The following SMC2 variants were observed in gnomAD, a reference collection of about 807,000 sequenced individuals.
SMC2 encodes structural maintenance of chromosomes protein 2.
Under a neutral mutation model 142.6 loss-of-function variants are expected in SMC2, and 41 were observed. The observed-to-expected ratio is 0.29, with a 90% CI of 0.22 to 0.37. SMC2 has a LOEUF of 0.37. Ranked by LOEUF, SMC2 falls within the 10% of genes least tolerant of loss-of-function variation. The probability of loss-of-function intolerance (pLI) is 1.00; values close to 1 mark genes in which losing one functional copy is unlikely to be tolerated. For missense variants in SMC2, 1,265 were observed against 1,373.7 expected, an observed-to-expected ratio of 0.92 and a Z score of 1.25; for synonymous variants, 463 against 457.5, an observed-to-expected ratio of 1.01 and a Z score of -0.15.
At chr9:104,096,330 G>A in intron 3 of SMC2, 33 bp downstream of exon 3, 1 of 1,603,370 alleles carries the variant, frequency 6.2e-7, no homozygotes, top group South Asian at 1.1e-5. Flanking sequence ...GGTATCTTAA[G>A]ACCTTTTATG....
In SMC2 at chr9:104,114,092, T is replaced by A; in HGVS notation, c.1532+11T>A. On this transcript the variant is annotated intron_variant, in intron 12 of 24. Coordinates refer to ENST00000374793, the MANE Select transcript of SMC2 (RefSeq NM_006444.3). ...TCGATTTGCATACAAGTAAGAGACT[T>A]AAGCCTTGAATTTTAACATAGTAAT... is the stretch of plus-strand genomic sequence containing the variant. The A allele has an allele frequency of 7.2e-7, 1 of 1,384,922 alleles. No individual in the cohort carries two copies. Among genetic ancestry groups the A allele is most frequent in the Non-Finnish European group, 1.0e-6 (1 of 1,001,116 alleles). 85.8% of individuals were successfully genotyped at this position (1,384,922 alleles called of 1,614,324 possible).
chr9:104,137,642 T>C (rs1835691826), intron 23 of SMC2, among the ~76,000 whole-genome samples: 1 of 141,874 alleles, frequency 7.0e-6, no homozygotes, highest in African/African-American at 2.8e-5. Flanking sequence ...AGATCATAGT[T>C]ATTGTCTTAA....
chr9:104,118,390 C>A lies in SMC2; in HGVS notation c.1996+15C>A. 2 of 1,593,518 alleles carry A rather than the reference C, an allele frequency of 1.3e-6. No individual in the cohort carries two copies. The highest frequency in any genetic ancestry group is 1.7e-4 in the Middle Eastern group (1 of 5,978). ...ATTGAGTGGAGGTAAGTTTTATATC[C>A]TTTTCTCCTCACAATTCTTTGTGGT... On this transcript the variant is annotated intron_variant, in intron 15 of 24. Coordinates refer to ENST00000374793, the MANE Select transcript of SMC2 (RefSeq NM_006444.3).
chr9:104,124,379 G>T (rs1424177408), intron 17 of SMC2, among the ~76,000 whole-genome samples: 1 of 152,050 alleles, frequency 6.6e-6, no homozygotes, highest in East Asian at 1.9e-4. Flanking sequence ...GAACTACCAC[G>T]CCTGACCTTA....
At chr9:104,135,998 G>T (rs1242174955) in intron 23 of SMC2, 5 of 504,118 alleles carry the variant, frequency 9.9e-6, no homozygotes, top group African/African-American at 5.9e-5. Flanking sequence ...TGGAGTTCAG[G>T]GAAGTTTCTC....
chr9:104,101,634 A>G (rs1428001535), intron 7 of SMC2, among the ~76,000 whole-genome samples: 2 of 152,210 alleles, frequency 1.3e-5, no homozygotes, highest in Non-Finnish European at 2.9e-5. Flanking sequence ...AGGCATCTTG[A>G]TACTACTACT....
chr9:104,120,047 T>G lies in SMC2; in HGVS notation c.2017T>G (p.Ser673Ala), dbSNP rs1275787879. 1.2e-6 allele frequency: 2 copies of G among 1,613,810 alleles called. No individual in the cohort carries two copies. The highest frequency in any genetic ancestry group is 8.5e-7 in the Non-Finnish European group (1 of 1,179,944). The change falls in exon 16 of 25, where the codon TCC becomes GCC. Residue 673 changes from serine (S) to alanine (A), a missense_variant. Ser to Ala is a moderately conservative substitution (Grantham distance 99). Coordinates refer to ENST00000374793, the MANE Select transcript of SMC2 (RefSeq NM_006444.3). The part of the protein sequence containing the change: ...LSGGARSQAA[S>A]ILTKFQELKD... ...ATCAGGTGCTCGATCCCAGGCAGCT[T>G]CCATTTTAACCAAGTTTCAAGAACT... is the stretch of plus-strand genomic sequence containing the variant.
intron 18 of SMC2, 150 bp from the exon 19 acceptor site, chr9:104,126,491 G>T (rs1417306810): frequency 4.3e-6 from 2 of 464,448 alleles, no homozygotes; most frequent in Non-Finnish European, 7.2e-6. Context: ...TTCTGGGGAA[G>T]CAGCTTAACC....
At chr9:104,123,063 C>G (rs759217404) in intron 16 of SMC2, 45 bp from the exon 17 acceptor site, 1 of 1,572,840 alleles carries the variant, frequency 6.4e-7, no homozygotes, top group Non-Finnish European at 8.6e-7. Flanking sequence ...TTCTCAAATA[C>G]CAGAAAAATG....
At chr9:104,095,700 T>C (rs1249666712) in intron 2 of SMC2, 148 bp downstream of exon 2, 4 of 646,164 alleles carry the variant, frequency 6.2e-6, no homozygotes, top group Non-Finnish European at 1.1e-5. Flanking sequence ...GAAAGTAATA[T>C]TACTCCTTTA....
In SMC2 at chr9:104,116,286, T is replaced by G; in HGVS notation, c.1758T>G (p.Ile586Met). The change falls in exon 14 of 25, where the codon ATT becomes ATG. Residue 586 changes from isoleucine (I) to methionine (M), a missense_variant. By Grantham distance (10) the Ile-to-Met change is conservative. Coordinates refer to ENST00000374793, the MANE Select transcript of SMC2 (RefSeq NM_006444.3). ...TCAATAAAATTTCAGCCAGATGTAT[T>G]GCACCAGAAACTCTGAGAGTTGCTC... ...IPLNKISARC[I>M]APETLRVAQN... 1 of 1,608,692 alleles carries G rather than the reference T, an allele frequency of 6.2e-7. No homozygotes were observed. Among genetic ancestry groups the G allele is most frequent in the Admixed American group, 1.7e-5 (1 of 58,772 alleles).
chr9:104,128,997 G>C (rs1322494408), intron 20 of SMC2, among the ~76,000 whole-genome samples: 1 of 152,104 alleles, frequency 6.6e-6, no homozygotes, highest in Non-Finnish European at 1.5e-5. Context: ...GCAATAGATT[G>C]AATTTGGTAA....
chr9:104,134,609 T>G, intron 23 of SMC2, 34 bp downstream of exon 23: 1 of 1,410,364 alleles, frequency 7.1e-7, no homozygotes, highest in Non-Finnish European at 9.6e-7. Flanking sequence ...ATAATTTTCA[T>G]TCCTCTTTAT....
chr9:104,101,976 T>G lies in SMC2; in HGVS notation c.653T>G (p.Leu218Trp). Residue 218 changes from leucine (L) to tryptophan (W), a missense_variant, in exon 8 of 25, where the codon TTG (leucine) becomes TGG (tryptophan). By Grantham distance (61) the Leu-to-Trp change is moderately conservative. This residue lies in a region of SMC2 where 898 missense variants were observed against 904.2 expected (regional missense o/e 0.99). Coordinates refer to ENST00000374793, the MANE Select transcript of SMC2 (RefSeq NM_006444.3). ...CTCTTTCAGGAAAGATCGTCCTACT[T>G]GGAGTACCAAAAAGTAATGAGAGAA... ...QKLKEERSSYLEYQKVMREIE... is the reference protein window; with the variant it reads ...QKLKEERSSYWEYQKVMREIE... 1 of 1,595,252 alleles carries G rather than the reference T, an allele frequency of 6.3e-7. No homozygotes were observed. The highest frequency in any genetic ancestry group is 8.5e-7 in the Non-Finnish European group (1 of 1,170,320).
intron 3 of SMC2, among the ~76,000 whole-genome samples, chr9:104,097,078 G>A (rs1391230411): frequency 7.1e-6 from 1 of 140,446 alleles, no homozygotes; most frequent in Non-Finnish European, 1.6e-5. Flanking sequence ...TTTTTTAGGT[G>A]TGTTATTAAT....
intron 4 of SMC2, 86 bp from the exon 5 acceptor site, chr9:104,099,558 C>T: frequency 1.2e-6 from 1 of 843,956 alleles, no homozygotes; most frequent in East Asian, 2.5e-5. Context: ...GATACAACAG[C>T]TTCAGTCTAG....
chr9:104,097,508 GAAAA>G (rs59646608), intron 3 of SMC2, among the ~76,000 whole-genome samples: 4 of 121,878 alleles, frequency 3.3e-5, no homozygotes, highest in East Asian at 2.8e-4. Context: ...GCCTCTGGTT[GAAAA>G]AAAAAAAAAA....
At chr9:104,114,945 A>G (rs1162598478) in intron 13 of SMC2, 116 bp downstream of exon 13, 11 of 744,792 alleles carry the variant, frequency 1.5e-5, no homozygotes, top group Non-Finnish European at 2.2e-5. Context: ...TGACTTATTT[A>G]TAGGGTAAAA....
intron 1 of SMC2, 59 bp downstream of exon 1, chr9:104,094,536 G>T: frequency 2.7e-6 from 1 of 369,240 alleles, no homozygotes; most frequent in Non-Finnish European, 4.8e-6. Flanking sequence ...GGCGGGAGGC[G>T]GGAGGCGGGA....
Sources: allele counts gnomAD v4.1 joint callset (sites outside exome capture counted in the v4.1 genomes callset), GRCh38; gene constraint gnomAD v4.1.1; regional missense constraint gnomAD v4.1.1; transcripts MANE v1.5; gene names NCBI Gene and HGNC (gene_info 2026-07-23, HGNC 2026-07-21).